Variants in SENP7 observed in about 807,000 individuals in gnomAD.
SENP7 encodes the protein SUMO specific peptidase 7.
A neutral mutation model predicts 141.2 loss-of-function variants in SENP7; 64 were observed. The observed-to-expected ratio is 0.45, with a 90% CI of 0.37 to 0.56. The LOEUF (loss-of-function observed/expected upper bound fraction) is 0.56, where lower values mean the gene tolerates loss of function less well. Ranked by LOEUF, SENP7 falls within the 20% of genes least tolerant of loss-of-function variation. The pLI is 0.00. For missense variants in SENP7, 1,025 were observed against 1,212.2 expected, an observed-to-expected ratio of 0.85 and a Z score of 2.29; for synonymous variants, 382 against 426.4, an observed-to-expected ratio of 0.90 and a Z score of 1.28.
rs780904984 is a variant in SENP7 at position 101,372,113 on chromosome 3, T to C, written c.691A>G (p.Ser231Gly). 23 of 1,549,084 alleles carry C rather than the reference T, an allele frequency of 1.5e-5. No homozygotes were observed. The South Asian group carries it at 2.6e-4, about 18-fold the overall frequency. Reference sequence around the variant, plus strand: ...GCAGAATTGTCATCTACTGTCTTACTTCGTTGTGAGCCCCTGCAAAAGAGA... The same window carrying C: ...GCAGAATTGTCATCTACTGTCTTACCTCGTTGTGAGCCCCTGCAAAAGAGA... ...CYLSERGSQRSKTVDDNSAKQ... is the reference protein window; with the variant it reads ...CYLSERGSQRGKTVDDNSAKQ... Residue 231 changes from serine to glycine, a missense_variant, in exon 7 of 24, where the codon AGT (serine) becomes GGT (glycine). Transcript: ENST00000394095.
chr3:101,411,798 C>G (rs370100485), intron 5 of SENP7, among the ~76,000 whole-genome samples: 3 of 152,122 alleles, frequency 2.0e-5, no homozygotes, highest in Admixed American at 2.0e-4. Context: ...AGTATCAGTA[C>G]GTAAGGTATT....
At chr3:101,463,057 A>G (rs1161000429) in intron 3 of SENP7, among the ~76,000 whole-genome samples, 1 of 151,944 alleles carries the variant, frequency 6.6e-6, no homozygotes, top group Non-Finnish European at 1.5e-5. Flanking sequence ...CTACACATCA[A>G]TAACAAAGAC....
intron 3 of SENP7, among the ~76,000 whole-genome samples, chr3:101,464,781 T>C (rs927956548): frequency 6.6e-6 from 1 of 151,892 alleles, no homozygotes; most frequent in Non-Finnish European, 1.5e-5. Context: ...CATAGAAAAA[T>C]TGTCTTCCAT....
At chr3:101,397,001 G>A (rs374473117) in intron 6 of SENP7, among the ~76,000 whole-genome samples, 7 of 151,844 alleles carry the variant, frequency 4.6e-5, no homozygotes, top group South Asian at 4.2e-4. Context: ...CTGCCACCAC[G>A]CCCAGCTAAT....
At chr3:101,466,049 AAC>A (rs2107931785) in intron 3 of SENP7, among the ~76,000 whole-genome samples, 1 of 152,286 alleles carries the variant, frequency 6.6e-6, no homozygotes, top group South Asian at 2.1e-4. Context: ...TGAACTTGAA[AAC>A]AGATTTTTAA....
chr3:101,425,268 T>C (rs1298920085), intron 4 of SENP7, among the ~76,000 whole-genome samples: 3 of 152,174 alleles, frequency 2.0e-5, no homozygotes, highest in Non-Finnish European at 4.4e-5. Flanking sequence ...TGGAGAGTAG[T>C]GACCAGCAGT....
At chr3:101,463,797 CATTT>C (rs1023897688) in intron 3 of SENP7, among the ~76,000 whole-genome samples, 3 of 151,866 alleles carry the variant, frequency 2.0e-5, no homozygotes, top group Non-Finnish European at 4.4e-5. Flanking sequence ...AAAAAAACTT[CATTT>C]ATTTATTTAC....
intron 3 of SENP7, among the ~76,000 whole-genome samples, chr3:101,463,380 T>TATATATATATATACACAC (rs1553744719): frequency 6.9e-5 from 5 of 72,142 alleles, no homozygotes; most frequent in Non-Finnish European, 1.3e-4. Context: ...TATATATATA[T>TATATATATATATACACAC]ATATATATAT....
intron 4 of SENP7, among the ~76,000 whole-genome samples, chr3:101,421,977 G>T (rs543314897): frequency 6.6e-6 from 1 of 152,074 alleles, no homozygotes; most frequent in Non-Finnish European, 1.5e-5. Flanking sequence ...TTAAAGCAGG[G>T]GTCCCCAGCC....
chr3:101,497,995 C>T (rs532743801), intron 2 of SENP7, among the ~76,000 whole-genome samples: 10 of 152,256 alleles, frequency 6.6e-5, no homozygotes, highest in Non-Finnish European at 8.8e-5. Flanking sequence ...TGGGGTCTCA[C>T]TATGTTGCCC....
At chr3:101,476,060 A>T (rs1182112485) in intron 3 of SENP7, among the ~76,000 whole-genome samples, 2 of 152,170 alleles carry the variant, frequency 1.3e-5, no homozygotes, top group Non-Finnish European at 2.9e-5. Flanking sequence ...GAGCACAAAG[A>T]ACATTCTCCA....
intron 4 of SENP7, chr3:101,458,696 A>G (rs142873586): frequency 8.6e-6 from 2 of 233,524 alleles, no homozygotes; most frequent in African/African-American, 4.5e-5. Context: ...CAATGATTCA[A>G]TCATCATTAT....
intron 3 of SENP7, among the ~76,000 whole-genome samples, chr3:101,484,733 G>C (rs1323415034): frequency 6.6e-6 from 1 of 152,158 alleles, no homozygotes; most frequent in African/African-American, 2.4e-5. Flanking sequence ...CTGGGAGCTC[G>C]CTGCGTCCCC....
intron 6 of SENP7, among the ~76,000 whole-genome samples, chr3:101,385,153 T>C (rs541917102): frequency 6.6e-6 from 1 of 152,192 alleles, no homozygotes; most frequent in East Asian, 1.9e-4. Context: ...TGTGTGTGCA[T>C]GTGTGTGTGT....
chr3:101,376,658 T>A (rs917527274), intron 6 of SENP7, among the ~76,000 whole-genome samples: 21 of 151,972 alleles, frequency 1.4e-4, no homozygotes, highest in Admixed American at 2.0e-4. Context: ...CGGGGAGGGA[T>A]AGCATTAGGA....
chr3:101,458,017 T>A (rs568738218), intron 4 of SENP7, among the ~76,000 whole-genome samples: 11 of 152,368 alleles, frequency 7.2e-5, no homozygotes, highest in Admixed American at 6.5e-4. Flanking sequence ...TAATTATTTA[T>A]GTAAATCTTT....
intron 4 of SENP7, among the ~76,000 whole-genome samples, chr3:101,440,504 C>T (rs1356648534): frequency 7.6e-6 from 1 of 130,868 alleles, no homozygotes; most frequent in African/African-American, 3.0e-5. Context: ...GCTGACCTTC[C>T]CTCCACTATT....
chr3:101,412,776 T>C (rs1317455861), intron 5 of SENP7, among the ~76,000 whole-genome samples: 1 of 152,068 alleles, frequency 6.6e-6, no homozygotes, highest in African/African-American at 2.4e-5. Flanking sequence ...GACAAAGACT[T>C]ATAGATGTCT....
chr3:101,482,826 C>A (rs1253604666), intron 3 of SENP7, among the ~76,000 whole-genome samples: 4 of 152,036 alleles, frequency 2.6e-5, no homozygotes, highest in African/African-American at 9.7e-5. Context: ...GTCAACTGAT[C>A]TTTGGCCAAG....
Sources: gnomAD v4.1 joint callset for allele counts (sites outside exome capture counted in the v4.1 genomes callset) on GRCh38, gnomAD v4.1.1 for gene constraint, MANE v1.5 for transcripts, NCBI Gene and HGNC (gene_info 2026-07-23, HGNC 2026-07-21) for gene names.